The following GABRG3 variants were observed in gnomAD, a reference collection of about 807,000 sequenced individuals.
GABRG3 encodes gamma-aminobutyric acid type A receptor subunit gamma3.
A neutral mutation model predicts 48.8 loss-of-function variants in GABRG3; 25 were observed. The observed-to-expected ratio is 0.51, with a 90% CI of 0.37 to 0.72. The LOEUF is 0.72. Ranked by LOEUF, GABRG3 falls within the 30% of genes least tolerant of loss-of-function variation. GABRG3 has a pLI of 0.00. For missense variants in GABRG3, 394 were observed against 577.9 expected (o/e 0.68, Z 3.26); for synonymous variants, 227 against 217.6 (o/e 1.04, Z -0.38).
intron 3 of GABRG3, among the ~76,000 whole-genome samples, chr15:27,196,788 C>G (rs1375365166): frequency 3.3e-5 from 5 of 152,208 alleles, no homozygotes; most frequent in African/African-American, 1.2e-4. Context: ...GATCGTAGCT[C>G]TTCCTCCTGA....
At chr15:27,184,519 C>T (rs1888032498) in intron 3 of GABRG3, among the ~76,000 whole-genome samples, 1 of 152,112 alleles carries the variant, frequency 6.6e-6, no homozygotes, top group Non-Finnish European at 1.5e-5. Flanking sequence ...AGTTATTGGT[C>T]TCATGAAGCT....
intron 5 of GABRG3, among the ~76,000 whole-genome samples, chr15:27,430,828 A>T (rs1888426312): frequency 6.6e-6 from 1 of 151,928 alleles, no homozygotes; most frequent in Non-Finnish European, 1.5e-5. Flanking sequence ...CGTCTCTACT[A>T]AAAATACAAA....
At chr15:27,071,677 G>A (rs1271615726) in intron 3 of GABRG3, among the ~76,000 whole-genome samples, 2 of 152,212 alleles carry the variant, frequency 1.3e-5, no homozygotes, top group African/African-American at 4.8e-5. Flanking sequence ...CTCCCTCAGC[G>A]ATAAAGCAAT....
intron 5 of GABRG3, among the ~76,000 whole-genome samples, chr15:27,408,165 C>G (rs530245529): frequency 3.3e-5 from 5 of 152,218 alleles, no homozygotes; most frequent in Non-Finnish European, 5.9e-5. Flanking sequence ...GAATCTCACA[C>G]CAGTGGTTCT....
At chr15:27,185,617 T>C (rs1888068910) in intron 3 of GABRG3, among the ~76,000 whole-genome samples, 1 of 152,192 alleles carries the variant, frequency 6.6e-6, no homozygotes, top group South Asian at 2.1e-4. Context: ...TTCTGTCAGT[T>C]GCTTAAGTAA....
intron 6 of GABRG3, among the ~76,000 whole-genome samples, chr15:27,497,761 T>C (rs565173507): frequency 5.1e-4 from 78 of 152,322 alleles, no homozygotes; most frequent in African/African-American, 1.8e-3. Context: ...GTAATTTAGA[T>C]TGGATTGCCT....
intron 5 of GABRG3, among the ~76,000 whole-genome samples, chr15:27,358,012 C>G (rs1894897098): frequency 6.6e-6 from 1 of 152,124 alleles, no homozygotes; most frequent in African/African-American, 2.4e-5. Flanking sequence ...AATGTTGACA[C>G]GATATTACAA....
intron 3 of GABRG3, among the ~76,000 whole-genome samples, chr15:27,080,474 A>T (rs1168639673): frequency 1.3e-5 from 2 of 151,878 alleles, no homozygotes; most frequent in Non-Finnish European, 2.9e-5. Flanking sequence ...AAAACAAAAC[A>T]TGATTTATAG....
At chr15:27,444,573 A>G (rs1051279527) in intron 5 of GABRG3, among the ~76,000 whole-genome samples, 1 of 152,138 alleles carries the variant, frequency 6.6e-6, no homozygotes, top group East Asian at 1.9e-4. Flanking sequence ...AGGATTTCTC[A>G]AAGTTCAATC....
At chr15:26,983,957 C>T (rs904948145) in intron 2 of GABRG3, among the ~76,000 whole-genome samples, 1 of 152,140 alleles carries the variant, frequency 6.6e-6, no homozygotes, top group East Asian at 1.9e-4. Flanking sequence ...TGTCCTGGCC[C>T]GTTTTTCCCC....
At chr15:27,058,308 C>A (rs572729699) in intron 3 of GABRG3, among the ~76,000 whole-genome samples, 4 of 152,340 alleles carry the variant, frequency 2.6e-5, no homozygotes, top group African/African-American at 9.6e-5. Context: ...ACCAGGCTAT[C>A]TCCGCACAGC....
intron 2 of GABRG3, among the ~76,000 whole-genome samples, chr15:27,010,758 C>A (rs544725196): frequency 6.6e-6 from 1 of 152,324 alleles, no homozygotes; most frequent in East Asian, 1.9e-4. Flanking sequence ...GCTTAATCTC[C>A]ATTGCCTTTG....
chr15:27,419,907 C>A (rs1888059212), intron 5 of GABRG3, among the ~76,000 whole-genome samples: 1 of 152,174 alleles, frequency 6.6e-6, no homozygotes, highest in Non-Finnish European at 1.5e-5. Flanking sequence ...AACAAAACTT[C>A]TTTGATGTCT....
chr15:27,397,643 C>T (rs55879794), intron 5 of GABRG3, among the ~76,000 whole-genome samples: 8,746 of 152,058 alleles, frequency 0.058, 348 homozygotes, highest in South Asian at 0.2. Flanking sequence ...TGTCCCTCAC[C>T]ATTTCTAAAC....
At chr15:27,129,745 G>T (rs552957039) in intron 3 of GABRG3, among the ~76,000 whole-genome samples, 2 of 151,246 alleles carry the variant, frequency 1.3e-5, no homozygotes, top group East Asian at 1.9e-4. Context: ...CCATGCTAAT[G>T]GGTGTGAAGT....
rs117695070 is a variant in GABRG3 at position 27,396,460 on chromosome 15, G to A, written c.574+67572G>A. Among the ~76,000 whole-genome samples the A allele has an allele frequency of 1.2e-3, 182 of 152,256 alleles. 1 individual carries two copies. The highest frequency in any genetic ancestry group is 2.3e-3 in the Non-Finnish European group (155 of 68,008). On this transcript the variant is annotated intron_variant, in intron 5 of 9. Coordinates refer to ENST00000615808, the MANE Select transcript of GABRG3 (RefSeq NM_033223.5). ...TAAAACTAGATTGCAGTACCAATAC[G>A]CACCTATTAGAATGTCTTTTGAAAA... is the stretch of plus-strand genomic sequence containing the variant.
intron 2 of GABRG3, among the ~76,000 whole-genome samples, chr15:27,010,106 A>G (rs891794): frequency 0.54 from 82,587 of 151,908 alleles, 22,831 homozygotes; most frequent in Middle Eastern, 0.62. Context: ...TACCAAGCCC[A>G]GCTAATTTTT....
intron 2 of GABRG3, among the ~76,000 whole-genome samples, chr15:27,013,951 G>T (rs1206504140): frequency 6.6e-6 from 1 of 152,056 alleles, no homozygotes; most frequent in Non-Finnish European, 1.5e-5. Flanking sequence ...CTTTGAATAG[G>T]ACTGACATCT....
At chr15:27,046,411 T>C (rs1280974251) in intron 3 of GABRG3, among the ~76,000 whole-genome samples, 1 of 152,208 alleles carries the variant, frequency 6.6e-6, no homozygotes, top group Non-Finnish European at 1.5e-5. Flanking sequence ...GCCCCTTATA[T>C]ACTTCTTAAA....
Sources: allele counts gnomAD v4.1 joint callset (sites outside exome capture counted in the v4.1 genomes callset), GRCh38; gene constraint gnomAD v4.1.1; transcripts MANE v1.5; gene names NCBI Gene and HGNC (gene_info 2026-07-23, HGNC 2026-07-21).